Variants in CSMD1 observed in about 807,000 individuals in gnomAD.
CSMD1 encodes CUB and Sushi multiple domains 1.
CSMD1 carries 213 observed loss-of-function variants against 417.5 expected under a neutral mutation model. The ratio of observed to expected loss-of-function variants is 0.51; its 90% CI spans 0.46 to 0.57. The LOEUF is 0.57. Ranked by LOEUF, CSMD1 falls within the 20% of genes least tolerant of loss-of-function variation. The pLI is 0.00. For missense variants in CSMD1, 6,923 were observed against 4,529.7 expected (o/e 1.53, Z -15.17); for synonymous variants, 2,862 against 1,736.8 (o/e 1.65, Z -16.11).
chr8:3,788,177 A>G (rs897857922), intron 5 of CSMD1, among the ~76,000 whole-genome samples: 10 of 152,236 alleles, frequency 6.6e-5, no homozygotes, highest in African/African-American at 2.4e-4. Flanking sequence ...GATTCATGTG[A>G]TACTACATAA....
intron 3 of CSMD1, among the ~76,000 whole-genome samples, chr8:4,090,411 C>A (rs1296635573): frequency 6.6e-6 from 1 of 151,998 alleles, no homozygotes; most frequent in Non-Finnish European, 1.5e-5. Flanking sequence ...TAATTAACAC[C>A]CTAGTCTTGA....
chr8:3,561,823 G>A (rs1236371403), intron 10 of CSMD1, among the ~76,000 whole-genome samples: 4 of 152,176 alleles, frequency 2.6e-5, no homozygotes, highest in South Asian at 2.1e-4. Flanking sequence ...TATCTATAAA[G>A]TTAGTCACTG....
chr8:3,142,611 T>C lies in CSMD1; in HGVS notation c.6095A>G (p.Asn2032Ser). ...CATGGGGCTGGTGTGGTAAGGTCCA[T>C]TTTGAATTTCAAGGAAGTCATGATT... ...EANHDFLEIQ[N>S]GPYHTSPMIG... Residue 2032 changes from asparagine (N) to serine (S), a missense_variant, in exon 41 of 70, where the codon AAT becomes AGT. Physicochemically the swap from Asn to Ser is conservative, Grantham distance 46. Coordinates refer to ENST00000635120, the MANE Select transcript of CSMD1 (RefSeq NM_033225.6). The C allele has an allele frequency of 6.2e-7, 1 of 1,613,998 alleles. No individual in the cohort carries two copies. Among genetic ancestry groups the C allele is most frequent in the East Asian group, 2.2e-5 (1 of 44,880 alleles).
At chr8:3,542,259 C>A (rs1480159063) in intron 10 of CSMD1, among the ~76,000 whole-genome samples, 1 of 152,166 alleles carries the variant, frequency 6.6e-6, no homozygotes, top group South Asian at 2.1e-4. Flanking sequence ...AAATTCTTTA[C>A]TCTTTTATGT....
chr8:3,120,634 G>C (rs372061807), intron 41 of CSMD1, among the ~76,000 whole-genome samples: 2 of 151,750 alleles, frequency 1.3e-5, no homozygotes, highest in Non-Finnish European at 2.9e-5. Flanking sequence ...GGATCACAAG[G>C]TCAAGAGATT....
intron 40 of CSMD1, among the ~76,000 whole-genome samples, chr8:3,143,614 G>T (rs947125896): frequency 1.3e-5 from 2 of 152,124 alleles, no homozygotes; most frequent in Non-Finnish European, 2.9e-5. Flanking sequence ...AAAGACATTA[G>T]TCTTTGCATA....
At chr8:3,550,630 T>C (rs76508434) in intron 10 of CSMD1, among the ~76,000 whole-genome samples, 4,312 of 152,286 alleles carry the variant, frequency 0.028, 84 homozygotes, top group Non-Finnish European at 0.043. Context: ...CCCCTTTGCC[T>C]AGTGCTGTTT....
At chr8:4,138,036 C>T (rs1232578136) in intron 3 of CSMD1, among the ~76,000 whole-genome samples, 1 of 140,890 alleles carries the variant, frequency 7.1e-6, no homozygotes, top group East Asian at 2.0e-4. Flanking sequence ...CGCCACCATG[C>T]CCGGCTAATT....
At chr8:4,619,377 G>A (rs769151439) in intron 2 of CSMD1, among the ~76,000 whole-genome samples, 1 of 152,160 alleles carries the variant, frequency 6.6e-6, no homozygotes, top group African/African-American at 2.4e-5. Context: ...CTGATGTCCA[G>A]TTTTGAGTGA....
At chr8:4,842,344 C>G (rs1783880502) in intron 1 of CSMD1, among the ~76,000 whole-genome samples, 2 of 152,172 alleles carry the variant, frequency 1.3e-5, no homozygotes, top group Non-Finnish European at 2.9e-5. Flanking sequence ...CTTTTAATAT[C>G]TGACTTTGGC....
At chr8:4,529,163 G>C (rs115808222) in intron 2 of CSMD1, among the ~76,000 whole-genome samples, 191 of 152,250 alleles carry the variant, frequency 1.3e-3, no homozygotes, top group African/African-American at 3.9e-3. Context: ...CCCTTTGGGG[G>C]ATCCCTGAGG....
intron 2 of CSMD1, among the ~76,000 whole-genome samples, chr8:4,500,613 T>C (rs1459659570): frequency 6.6e-6 from 1 of 152,098 alleles, no homozygotes; most frequent in Non-Finnish European, 1.5e-5. Context: ...GGGGAACTGG[T>C]TGTTTTTGAG....
intron 12 of CSMD1, among the ~76,000 whole-genome samples, chr8:3,457,652 C>A (rs960514513): frequency 6.6e-6 from 1 of 152,136 alleles, no homozygotes; most frequent in Non-Finnish European, 1.5e-5. Context: ...TCATCCATTT[C>A]TAAGACAACA....
intron 3 of CSMD1, among the ~76,000 whole-genome samples, chr8:4,074,341 A>G (rs1375903882): frequency 6.6e-6 from 1 of 152,134 alleles, no homozygotes; most frequent in African/African-American, 2.4e-5. Flanking sequence ...TGGCATCTGA[A>G]TGTAAAATGT....
At chr8:3,642,023 C>A (rs933756278) in intron 7 of CSMD1, among the ~76,000 whole-genome samples, 4 of 152,088 alleles carry the variant, frequency 2.6e-5, no homozygotes, top group Non-Finnish European at 5.9e-5. Context: ...TCCCCCTCAC[C>A]ACATCTGCAA....
intron 3 of CSMD1, among the ~76,000 whole-genome samples, chr8:4,321,761 G>A (rs1035792656): frequency 6.6e-6 from 1 of 151,978 alleles, no homozygotes; most frequent in Non-Finnish European, 1.5e-5. Flanking sequence ...CTTTCAAAAA[G>A]GATGCTTTGA....
chr8:3,893,414 A>C (rs1183357523), intron 5 of CSMD1, among the ~76,000 whole-genome samples: 4 of 146,436 alleles, frequency 2.7e-5, no homozygotes, highest in African/African-American at 9.9e-5. Context: ...AAGCTTAACA[A>C]AATCTGGATC....
intron 2 of CSMD1, 42 bp downstream of exon 2, chr8:4,637,300 T>C (rs1294347042): frequency 1.4e-6 from 2 of 1,443,972 alleles, no homozygotes; most frequent in South Asian, 2.3e-5. Flanking sequence ...AATCTGTGTA[T>C]TCAAACAGTG....
intron 5 of CSMD1, among the ~76,000 whole-genome samples, chr8:3,938,086 T>C (rs990487734): frequency 1.3e-5 from 2 of 152,250 alleles, no homozygotes; most frequent in African/African-American, 4.8e-5. Context: ...CAGGATCGTG[T>C]AGTAGAAATT....
Sources: gnomAD v4.1 joint callset for allele counts (sites outside exome capture counted in the v4.1 genomes callset) on GRCh38, gnomAD v4.1.1 for gene constraint, MANE v1.5 for transcripts, NCBI Gene and HGNC (gene_info 2026-07-23, HGNC 2026-07-21) for gene names.